SH2D3C: variants seen among roughly 807,000 people sequenced by gnomAD.
SH2D3C encodes SH2 domain containing 3C.
A neutral mutation model predicts 75.2 loss-of-function variants in SH2D3C; 25 were observed. The ratio of observed to expected loss-of-function variants is 0.33; its 90% CI spans 0.24 to 0.46. The LOEUF is 0.46. Among genes scored for constraint, SH2D3C ranks in the 20% least tolerant of loss-of-function variants. The pLI is 1.00. For missense variants in SH2D3C, 933 were observed against 1,165.3 expected (o/e 0.80, Z 2.90); for synonymous variants, 450 against 473.7 (o/e 0.95, Z 0.65).
At chr9:127,760,685 G>C (rs771823259) in intron 3 of SH2D3C, among the ~76,000 whole-genome samples, 9 of 151,942 alleles carry the variant, frequency 5.9e-5, no homozygotes, top group Admixed American at 3.9e-4. Context: ...ATCTGTAAAC[G>C]GGCACAAGAA....
In SH2D3C at chr9:127,738,828, G is replaced by T; in HGVS notation, c.2501C>A (p.Ala834Asp). Residue 834 changes from alanine to aspartate, a missense_variant, in exon 12 of 12, where the codon GCC (alanine) becomes GAC (aspartate). By Grantham distance (126) the Ala-to-Asp change is moderately radical (BLOSUM62 -2). Coordinates refer to ENST00000314830, the MANE Select transcript of SH2D3C (RefSeq NM_170600.3). The surrounding 1 kb of genome is among the most constrained non-coding windows in gnomAD (Gnocchi z 5.0). ...WGSQGASSSQ[A>D]RRYEKFDKVL... is the part of the protein sequence containing the mutation. The stretch of plus-strand genomic sequence containing the variant: ...CTTGTCGAACTTCTCATAGCGCCGG[G>T]CCTGGCTGCTGCTGGCACCCTGACT... 6.2e-7 allele frequency: 1 copy of T among 1,605,794 alleles called. No individual in the cohort carries two copies. The highest frequency in any genetic ancestry group is 8.5e-7 in the Non-Finnish European group (1 of 1,176,500).
Position 127,749,712 on chromosome 9 carries a change from G to A in SH2D3C, c.685-47C>T, listed in dbSNP as rs1720669139. ...TGGAGTAGGGTGGGGCCAGGAGAGGGTCAGACCCAGGATCTGGGGGACAGA... is the reference window on the plus strand; with the variant it reads ...TGGAGTAGGGTGGGGCCAGGAGAGGATCAGACCCAGGATCTGGGGGACAGA... On this transcript the variant is annotated intron_variant, in intron 4 of 11. Coordinates refer to ENST00000314830, the MANE Select transcript of SH2D3C (RefSeq NM_170600.3). This position sits in a 1 kb window ranked among gnomAD's most constrained non-coding sequence, Gnocchi z 5.9. 7.8e-7 allele frequency: 1 copy of A among 1,288,100 alleles called. No homozygotes were observed. The highest frequency in any genetic ancestry group is 2.5e-5 in the East Asian group (1 of 39,680). The allele number at this position is 1,288,100 out of a possible 1,614,324, so 79.8% of individuals were successfully genotyped here.
intron 3 of SH2D3C, among the ~76,000 whole-genome samples, chr9:127,756,065 C>G (rs544616253): frequency 1.3e-5 from 2 of 152,236 alleles, no homozygotes; most frequent in South Asian, 2.1e-4. Context: ...CCTGGGAGAC[C>G]GGGGCAAGTG....
rs369908578 is a variant in SH2D3C, at chr9:127,739,641, C to G, written c.2407+41G>C. 1 of 1,560,298 alleles carries G rather than the reference C, an allele frequency of 6.4e-7. No homozygotes were observed. The highest frequency in any genetic ancestry group is 1.2e-5 in the South Asian group (1 of 85,420). On this transcript the variant is annotated intron_variant, in intron 11 of 11. Coordinates refer to ENST00000314830, the MANE Select transcript of SH2D3C (RefSeq NM_170600.3). This position sits in a 1 kb window ranked among gnomAD's most constrained non-coding sequence, Gnocchi z 4.3. The stretch of plus-strand genomic sequence containing the variant: ...AAGCAGTGAGGCAGGTGGAGGGAGG[C>G]CCAGGCCTGCAAGCCCCCCAAGATG...
At chr9:127,771,150 C>A in intron 2 of SH2D3C, 1 of 1,496,378 alleles carries the variant, frequency 6.7e-7, no homozygotes. Flanking sequence ...CTCCTGCTCC[C>A]CGCTGGCCCT....
rs564765592 is a variant in SH2D3C at position 127,741,440 on chromosome 9, TATTG to T, written c.2088+344_2088+347del. On this transcript the variant is annotated intron_variant, in intron 9 of 11. Coordinates refer to ENST00000314830, the MANE Select transcript of SH2D3C (RefSeq NM_170600.3). ...TTTTAGTAGAAACGGGGTTTCACCA[TATTG>T]CCTAGGCTGGTCTTGAACCTCTGAC... 5.7e-3 allele frequency among the ~76,000 whole-genome samples: 862 copies of T among 152,152 alleles called. 9 individuals are homozygous for T. The highest frequency in any genetic ancestry group is 0.02 in the African/African-American group (830 of 41,514).
intron 3 of SH2D3C, among the ~76,000 whole-genome samples, chr9:127,757,165 C>A (rs1845405148): frequency 1.3e-5 from 2 of 149,696 alleles, no homozygotes; most frequent in African/African-American, 2.5e-5. Context: ...CTGGTCTTGA[C>A]CTCTTGACCT....
intron 3 of SH2D3C, among the ~76,000 whole-genome samples, chr9:127,757,018 C>T (rs772685905): frequency 2.6e-5 from 4 of 151,888 alleles, no homozygotes; most frequent in Non-Finnish European, 5.9e-5. Context: ...CAATCTCGGC[C>T]GCCTGGGCTC....
At chr9:127,770,908 C>T (rs1245436529) in intron 2 of SH2D3C, among the ~76,000 whole-genome samples, 1 of 152,190 alleles carries the variant, frequency 6.6e-6, no homozygotes, top group African/African-American at 2.4e-5. Context: ...CTGGTTCTGA[C>T]GCTCACTGGC....
chr9:127,744,412 C>G (rs1340004235), intron 7 of SH2D3C, 152 bp downstream of exon 7: 2 of 1,004,632 alleles, frequency 2.0e-6, no homozygotes, highest in Non-Finnish European at 2.9e-6. Flanking sequence ...GCTAAATGAC[C>G]AGCCCAGAGT....
chr9:127,771,417 A>C (rs1845737701), intron 2 of SH2D3C: 1 of 1,280,586 alleles, frequency 7.8e-7, no homozygotes. Context: ...CTCCACCGGC[A>C]GGGAAGGACG....
At chr9:127,766,718 C>T (rs541093707) in intron 2 of SH2D3C, among the ~76,000 whole-genome samples, 130 of 152,244 alleles carry the variant, frequency 8.5e-4, no homozygotes, top group African/African-American at 2.8e-3. Context: ...TACAGGTCTG[C>T]GCCACCACGC....
In SH2D3C at chr9:127,741,910, C is replaced by G; in HGVS notation, c.1966G>C (p.Gly656Arg). ...AGCGCTGCCCGCTCCTCCGCAGAGC[C>G]GGTGCAGCCCAGGATGTCCACGGCC... ...MLAVDILGCT[G>R]SAEERAALLH... is the part of the protein sequence containing the mutation. The change falls in exon 9 of 12, where the codon GGC becomes CGC. Residue 656 changes from glycine to arginine, a missense_variant. Physicochemically the swap from Gly to Arg is moderately radical, Grantham distance 125 (BLOSUM62 -2). Coordinates refer to ENST00000314830, the MANE Select transcript of SH2D3C (RefSeq NM_170600.3). 6 of 1,613,040 alleles carry G rather than the reference C, an allele frequency of 3.7e-6. No homozygotes were observed. The South Asian group carries it at 5.5e-5, about 15-fold the overall frequency.
chr9:127,757,641 TG>T lies in SH2D3C; in HGVS notation c.555+3969del, dbSNP rs1564419888. ...ATGATGATGATGATGATGATGATGATGATGATTATTATTATTATTATTATTA... is the reference window on the plus strand; with the variant it reads ...ATGATGATGATGATGATGATGATGATATGATTATTATTATTATTATTATTA... On this transcript the variant is annotated intron_variant, in intron 3 of 11. Coordinates refer to ENST00000314830, the MANE Select transcript of SH2D3C (RefSeq NM_170600.3). Among the ~76,000 whole-genome samples, 787 of 138,336 alleles carry T rather than the reference TG, an allele frequency of 5.7e-3. 7 individuals are homozygous for T. The highest frequency in any genetic ancestry group is 0.015 in the African/African-American group (545 of 36,496). The allele number at this position is 138,336 out of a possible 152,430, so 90.8% of individuals were successfully genotyped here.
Position 127,745,100 on chromosome 9 carries a change from C to T in SH2D3C, c.1265-1G>A, listed in dbSNP as rs746092833. The T allele has an allele frequency of 1.8e-5, 27 of 1,498,190 alleles. No homozygotes were observed. In the Admixed American group the frequency reaches 1.8e-4, roughly 10 times the overall value. The allele number at this position is 1,498,190 out of a possible 1,614,324, so 92.8% of individuals were successfully genotyped here. A position where few individuals can be genotyped will look rare whatever the true frequency, so the allele number is the denominator to read the frequency against. On this transcript the variant is annotated splice_acceptor_variant, in intron 6 of 11. Coordinates refer to ENST00000314830, the MANE Select transcript of SH2D3C (RefSeq NM_170600.3). LOFTEE classifies it high-confidence loss of function. The stretch of plus-strand genomic sequence containing the variant: ...GCAGGGGCGGCATGGACACGGGTTA[C>T]TGCAGAAAGGTAGAGAGAGAGGCCC...
At chr9:127,745,991 C>T (rs1358635958) in intron 6 of SH2D3C, among the ~76,000 whole-genome samples, 2 of 152,084 alleles carry the variant, frequency 1.3e-5, no homozygotes, top group South Asian at 2.1e-4. Context: ...TTTTATAATC[C>T]TCATTCTACA....
intron 1 of SH2D3C, among the ~76,000 whole-genome samples, chr9:127,777,953 TAA>T (rs59714883): frequency 1.1e-4 from 15 of 138,502 alleles, no homozygotes; most frequent in Non-Finnish European, 9.5e-5. Flanking sequence ...CCCCGGTCTC[TAA>T]AAAAAAAAAA....
In SH2D3C at chr9:127,739,727, G is replaced by A. The variant is rs1844793530; in HGVS notation, c.2362C>T (p.His788Tyr). ...TTGGTGTGGTACAGGCCTCCGTGGT[G>A]TGCCACTGTGCGGGCGGCCTCCAGG... Reference protein sequence around the residue: ...AHLEAARTVAHHGGLYHTNAE... With the variant: ...AHLEAARTVAYHGGLYHTNAE... The change falls in exon 11 of 12, where the codon CAC becomes TAC. Residue 788 changes from histidine (H) to tyrosine (Y), a missense_variant. Transcript: ENST00000314830. This position sits in a 1 kb window ranked among gnomAD's most constrained non-coding sequence, Gnocchi z 4.3. The A allele has an allele frequency of 1.4e-5, 22 of 1,610,930 alleles. No homozygotes were observed. Among genetic ancestry groups the A allele is most frequent in the Non-Finnish European group, 1.7e-5 (20 of 1,179,700 alleles).
chr9:127,768,391 C>A (rs1227711843), intron 2 of SH2D3C, among the ~76,000 whole-genome samples: 2 of 151,986 alleles, frequency 1.3e-5, no homozygotes, highest in African/African-American at 4.8e-5. Context: ...CTCAAGTCTC[C>A]ATTTCCTTCC....
Sources: allele counts gnomAD v4.1 joint callset (sites outside exome capture counted in the v4.1 genomes callset), GRCh38; gene constraint gnomAD v4.1.1; non-coding constraint Gnocchi (gnomAD v3.1); transcripts MANE v1.5; gene names NCBI Gene and HGNC (gene_info 2026-07-23, HGNC 2026-07-21).